GABRG2: variants seen among roughly 807,000 people sequenced by gnomAD.
The protein encoded by GABRG2 is gamma-aminobutyric acid type A receptor subunit gamma2, also known as gamma-aminobutyric acid receptor subunit gamma-2.
In GABRG2, 16 loss-of-function variants were observed where a neutral mutation model predicts 56.4. The observed-to-expected ratio is 0.28, with a 90% CI of 0.19 to 0.43. The LOEUF (loss-of-function observed/expected upper bound fraction) is 0.43. GABRG2 is among the 20% of genes least tolerant of loss of function. GABRG2 has a pLI of 1.00. For missense variants in GABRG2, 327 were observed against 582.7 expected (o/e 0.56, Z 4.52); for synonymous variants, 208 against 205.5 (o/e 1.01, Z -0.10).
At chr5:162,073,992 C>G (rs992769363) in intron 1 of GABRG2, among the ~76,000 whole-genome samples, 1 of 151,752 alleles carries the variant, frequency 6.6e-6, no homozygotes, top group African/African-American at 2.4e-5. Flanking sequence ...CACCCCCCGG[C>G]TTTTTTTATC....
At chr5:162,108,434 A>C (rs940185518) in intron 6 of GABRG2, among the ~76,000 whole-genome samples, 2 of 152,182 alleles carry the variant, frequency 1.3e-5, no homozygotes, top group Non-Finnish European at 2.9e-5. Flanking sequence ...TTACACTCAC[A>C]TTGAATCTCA....
At chr5:162,114,135 A>T (rs210981) in intron 6 of GABRG2, among the ~76,000 whole-genome samples, 89,998 of 151,886 alleles carry the variant, frequency 0.59, 26,941 homozygotes, top group African/African-American at 0.66. Flanking sequence ...TATATCCTAA[A>T]CATCTGAGAA....
intron 6 of GABRG2, among the ~76,000 whole-genome samples, chr5:162,110,272 C>A (rs1161785424): frequency 1.3e-5 from 2 of 152,080 alleles, no homozygotes; most frequent in Non-Finnish European, 2.9e-5. Flanking sequence ...CTAAAGTATA[C>A]ATATACTGTA....
At chr5:162,126,188 T>G (rs1340191880) in intron 6 of GABRG2, among the ~76,000 whole-genome samples, 1 of 151,936 alleles carries the variant, frequency 6.6e-6, no homozygotes, top group Non-Finnish European at 1.5e-5. Flanking sequence ...TAATGACATT[T>G]CATATTAAGA....
At chr5:162,117,390 C>A (rs920739664) in intron 6 of GABRG2, among the ~76,000 whole-genome samples, 1 of 151,908 alleles carries the variant, frequency 6.6e-6, no homozygotes, top group Non-Finnish European at 1.5e-5. Context: ...TAAAGAATGG[C>A]TACAAAATAA....
rs113991896 is a variant in GABRG2, at chr5:162,074,422, T to C, written c.107+6316T>C. On this transcript the variant is annotated intron_variant, in intron 1 of 9. Transcript: ENST00000639213. ...GTTTTAAAGCAAAGATCCTTTGTTATAATTGAAACCCTGCCATGAACCCAA... is the reference window on the plus strand; with the variant it reads ...GTTTTAAAGCAAAGATCCTTTGTTACAATTGAAACCCTGCCATGAACCCAA... Among the ~76,000 whole-genome samples the C allele has an allele frequency of 1.3e-3, 196 of 152,178 alleles. 2 individuals carry two copies. The highest frequency in any genetic ancestry group is 4.3e-3 in the African/African-American group (180 of 41,570).
chr5:162,143,890 A>C (rs1012707759), intron 7 of GABRG2, among the ~76,000 whole-genome samples: 2 of 152,190 alleles, frequency 1.3e-5, no homozygotes, highest in African/African-American at 4.8e-5. Flanking sequence ...CTGAGGGCAG[A>C]AGTGATTACT....
At chr5:162,078,567 G>A (rs1383428461) in intron 1 of GABRG2, among the ~76,000 whole-genome samples, 4 of 150,692 alleles carry the variant, frequency 2.7e-5, no homozygotes, top group East Asian at 3.9e-4. Flanking sequence ...CACCATGCCC[G>A]GATAATTTTT....
Position 162,120,137 on chromosome 5 carries a change from A to G in GABRG2, c.769+16111A>G, listed in dbSNP as rs184723741. On this transcript the variant is annotated intron_variant, in intron 6 of 9. Coordinates refer to ENST00000639213, the MANE Select transcript of GABRG2 (RefSeq NM_198904.4). ...ACAGTGGTAAAGGTGGTGTTTCCATAGTTGTGCCAACTTAACATTAAATCA... is the reference window on the plus strand; with the variant it reads ...ACAGTGGTAAAGGTGGTGTTTCCATGGTTGTGCCAACTTAACATTAAATCA... 6.6e-5 allele frequency among the ~76,000 whole-genome samples: 10 copies of G among 152,232 alleles called. No individual in the cohort carries two copies. The East Asian group carries it at 1.7e-3, about 27-fold the overall frequency.
intron 6 of GABRG2, among the ~76,000 whole-genome samples, chr5:162,136,317 C>T (rs1407938021): frequency 1.3e-5 from 2 of 152,250 alleles, no homozygotes; most frequent in South Asian, 2.1e-4. Flanking sequence ...CAATCTGTAC[C>T]GTCCAATACA....
At chr5:162,124,902 G>A (rs1259627864) in intron 6 of GABRG2, among the ~76,000 whole-genome samples, 1 of 151,258 alleles carries the variant, frequency 6.6e-6, no homozygotes, top group Admixed American at 6.6e-5. Flanking sequence ...CTACACATAA[G>A]AGCAGTCTCA....
At chr5:162,112,565 T>C (rs1169442554) in intron 6 of GABRG2, among the ~76,000 whole-genome samples, 3 of 152,196 alleles carry the variant, frequency 2.0e-5, no homozygotes, top group African/African-American at 7.2e-5. Context: ...AATAATGCTA[T>C]TCAGCATTGC....
At chr5:162,138,055 C>T (rs1336009502) in intron 6 of GABRG2, among the ~76,000 whole-genome samples, 1 of 152,006 alleles carries the variant, frequency 6.6e-6, no homozygotes, top group African/African-American at 2.4e-5. Context: ...CCACCGTGCC[C>T]TCACTGCAGT....
chr5:162,102,819 G>A (rs1761532343), intron 5 of GABRG2: 9 of 237,240 alleles, frequency 3.8e-5, no homozygotes, highest in South Asian at 5.0e-5. Context: ...TCCCTTCTAG[G>A]GACTCTCTCT....
intron 6 of GABRG2, among the ~76,000 whole-genome samples, chr5:162,114,587 T>A (rs779349893): frequency 2.8e-4 from 42 of 152,006 alleles, no homozygotes; most frequent in Non-Finnish European, 5.0e-4. Flanking sequence ...AGGATTTTTC[T>A]ATCACAAAAT....
Position 162,143,360 on chromosome 5 carries a change from G to T in GABRG2, c.922+1044G>T, listed in dbSNP as rs182821920. ...AAACATATTTACCTGTGAAATTTTT[G>T]GGGGAAAAGCGACTCTTAAGATTAT... On this transcript the variant is annotated intron_variant, in intron 7 of 9. Transcript: ENST00000639213. Among the ~76,000 whole-genome samples, 228 of 152,210 alleles carry T rather than the reference G, an allele frequency of 1.5e-3. 3 individuals are homozygous for T. Among genetic ancestry groups the T allele is most frequent in the African/African-American group, 5.2e-3 (218 of 41,536 alleles).
At chr5:162,071,282 G>GA (rs1174854380) in intron 1 of GABRG2, among the ~76,000 whole-genome samples, 3 of 150,354 alleles carry the variant, frequency 2.0e-5, no homozygotes, top group East Asian at 2.0e-4. Context: ...ACCCTAAAGG[G>GA]AAAAAAATAT....
At chr5:162,122,626 G>A (rs1763051031) in intron 6 of GABRG2, among the ~76,000 whole-genome samples, 1 of 151,332 alleles carries the variant, frequency 6.6e-6, no homozygotes, top group Non-Finnish European at 1.5e-5. Context: ...TATTTCAATT[G>A]TCTTGAAATA....
intron 1 of GABRG2, among the ~76,000 whole-genome samples, chr5:162,093,505 C>T (rs1207592801): frequency 6.6e-6 from 1 of 152,112 alleles, no homozygotes. Flanking sequence ...CCTCCATTTT[C>T]ACACAAATAG....
Sources: gnomAD v4.1 joint callset for allele counts (sites outside exome capture counted in the v4.1 genomes callset) on GRCh38, gnomAD v4.1.1 for gene constraint, MANE v1.5 for transcripts, NCBI Gene and HGNC (gene_info 2026-07-23, HGNC 2026-07-21) for gene names.